Variants in KLF12 observed in about 807,000 individuals in gnomAD.
KLF12 encodes Krueppel-like factor 12.
KLF12 carries 9 observed loss-of-function variants against 37.8 expected under a neutral mutation model. The observed-to-expected ratio is 0.24, with a 90% CI of 0.14 to 0.42. The LOEUF (loss-of-function observed/expected upper bound fraction) is 0.42, where lower values mean the gene tolerates loss of function less well. KLF12 is among the 10% of genes least tolerant of loss of function. The pLI is 1.00. For missense variants in KLF12, 411 were observed against 516.0 expected (o/e 0.80, Z 1.97); for synonymous variants, 208 against 202.1 (o/e 1.03, Z -0.25).
chr13:73,734,477 T>C (rs1877298802), intron 6 of KLF12, among the ~76,000 whole-genome samples: 1 of 152,172 alleles, frequency 6.6e-6, no homozygotes, highest in Non-Finnish European at 1.5e-5. Flanking sequence ...GCAGGCAAGG[T>C]TATCTGTTGA....
At chr13:74,123,974 C>T (rs1433715729) in intron 1 of KLF12, among the ~76,000 whole-genome samples, 1 of 152,116 alleles carries the variant, frequency 6.6e-6, no homozygotes, top group East Asian at 1.9e-4. Context: ...AAACTAAATC[C>T]ACTCTAAACC....
chr13:74,038,598 A>T (rs1893319745), intron 1 of KLF12, among the ~76,000 whole-genome samples: 1 of 152,122 alleles, frequency 6.6e-6, no homozygotes, highest in Non-Finnish European at 1.5e-5. Flanking sequence ...GTCAATCACC[A>T]TTCCATTCAC....
At chr13:74,144,650 A>C in the KLF12 span, among the ~76,000 whole-genome samples, 4 of 152,190 alleles carry the variant, frequency 2.6e-5, no homozygotes, top group Non-Finnish European at 5.9e-5. Flanking sequence ...TGGGATCATA[A>C]TATTTTCATC....
At chr13:74,021,827 G>A (rs1224055393) in intron 1 of KLF12, among the ~76,000 whole-genome samples, 2 of 152,176 alleles carry the variant, frequency 1.3e-5, no homozygotes, top group Non-Finnish European at 1.5e-5. Flanking sequence ...GTGCTTATCA[G>A]TAGATACACA....
At chr13:74,245,337 C>CTATCT in the KLF12 span, among the ~76,000 whole-genome samples, 3,253 of 149,258 alleles carry the variant, frequency 0.022, 53 homozygotes, top group Middle Eastern at 0.037. Flanking sequence ...ATCTATCTAT[C>CTATCT]TATCATCTAC....
At chr13:73,877,165 A>C (rs970448674) in intron 3 of KLF12, among the ~76,000 whole-genome samples, 1 of 152,204 alleles carries the variant, frequency 6.6e-6, no homozygotes, top group African/African-American at 2.4e-5. Flanking sequence ...TATAATTAAC[A>C]AACTATATAA....
intron 4 of KLF12, among the ~76,000 whole-genome samples, chr13:73,822,843 T>TG (rs1430415053): frequency 6.6e-6 from 1 of 152,192 alleles, no homozygotes; most frequent in African/African-American, 2.4e-5. Flanking sequence ...CCAAGAGCCC[T>TG]GAACTCTAGG....
the KLF12 span, among the ~76,000 whole-genome samples, chr13:74,275,287 C>T: frequency 0.032 from 4,939 of 152,230 alleles, 252 homozygotes; most frequent in African/African-American, 0.11. Context: ...TTTAGGCTTT[C>T]CAATGTCACT....
intron 1 of KLF12, among the ~76,000 whole-genome samples, chr13:74,038,791 A>G (rs1430457472): frequency 6.6e-6 from 1 of 152,166 alleles, no homozygotes; most frequent in East Asian, 1.9e-4. Context: ...TCAAAAGCTC[A>G]GTATTTCTTT....
chr13:73,863,140 A>T (rs1277392492), intron 3 of KLF12, among the ~76,000 whole-genome samples: 1 of 152,162 alleles, frequency 6.6e-6, no homozygotes. Context: ...GTATTTCTTA[A>T]ACACATGCCA....
intron 7 of KLF12, among the ~76,000 whole-genome samples, chr13:73,714,541 C>T (rs12583710): frequency 1.6e-4 from 25 of 152,256 alleles, no homozygotes; most frequent in African/African-American, 4.6e-4. Flanking sequence ...CCTGCTCTAT[C>T]GGCTTCTTTG....
At chr13:74,074,703 G>T (rs377589070) in intron 1 of KLF12, among the ~76,000 whole-genome samples, 1 of 152,122 alleles carries the variant, frequency 6.6e-6, no homozygotes, top group Admixed American at 6.5e-5. Flanking sequence ...TGTCATGGGG[G>T]TTTGTTGTAC....
At chr13:73,991,026 A>G (rs889283929) in intron 2 of KLF12, among the ~76,000 whole-genome samples, 3 of 152,028 alleles carry the variant, frequency 2.0e-5, no homozygotes, top group Admixed American at 1.3e-4. Flanking sequence ...TAATGAAGCT[A>G]TTTCTCTCCT....
intron 1 of KLF12, among the ~76,000 whole-genome samples, chr13:74,032,543 C>T (rs1019888759): frequency 1.3e-5 from 2 of 152,144 alleles, no homozygotes; most frequent in Non-Finnish European, 2.9e-5. Flanking sequence ...CACTACCTAC[C>T]CAGCGTTCAG....
At chr13:73,913,074 C>T (rs1593716043) in intron 3 of KLF12, among the ~76,000 whole-genome samples, 6 of 152,150 alleles carry the variant, frequency 3.9e-5, no homozygotes, top group African/African-American at 7.2e-5. Flanking sequence ...TTCTCCGACA[C>T]GTATCTGTCT....
chr13:73,790,852 T>C (rs1050554695), intron 5 of KLF12, among the ~76,000 whole-genome samples: 3 of 152,180 alleles, frequency 2.0e-5, no homozygotes, highest in African/African-American at 4.8e-5. Context: ...AAAGGTGGGA[T>C]TCAAGTTCAG....
chr13:74,210,129 G>T, the KLF12 span, among the ~76,000 whole-genome samples: 2 of 152,162 alleles, frequency 1.3e-5, no homozygotes, highest in Non-Finnish European at 2.9e-5. Flanking sequence ...AGATTAGAAA[G>T]AGTTGATCCA....
At chr13:74,215,804 C>G in the KLF12 span, among the ~76,000 whole-genome samples, 1 of 152,240 alleles carries the variant, frequency 6.6e-6, no homozygotes, top group Non-Finnish European at 1.5e-5. Flanking sequence ...TTGAGGAACA[C>G]AGAAAGGTTG....
At chr13:74,174,491 G>A in the KLF12 span, among the ~76,000 whole-genome samples, 18 of 150,732 alleles carry the variant, frequency 1.2e-4, no homozygotes, top group South Asian at 4.2e-4. Context: ...TGCCCACCTC[G>A]GCCTCCCAAA....
Sources: gnomAD v4.1 joint callset for allele counts (sites outside exome capture counted in the v4.1 genomes callset) on GRCh38, gnomAD v4.1.1 for gene constraint, MANE v1.5 for transcripts, NCBI Gene and HGNC (gene_info 2026-07-23, HGNC 2026-07-21) for gene names.